NAPSA: variants seen among roughly 807,000 people sequenced by gnomAD.
NAPSA encodes napsin A aspartic peptidase.
NAPSA carries 37 observed loss-of-function variants against 36.7 expected under a neutral mutation model. That is an observed-to-expected ratio of 1.01 (90% CI 0.78 to 1.33). NAPSA has a LOEUF of 1.33. Ranked by LOEUF, NAPSA falls within the 40% of genes most tolerant of loss-of-function variation. NAPSA has a pLI of 0.00. For missense variants in NAPSA, 532 were observed against 543.8 expected, an observed-to-expected ratio of 0.98 and a Z score of 0.21; for synonymous variants, 222 against 234.5, an observed-to-expected ratio of 0.95 and a Z score of 0.49.
chr19:50,363,976 C>T (rs2037508470), intron 1 of NAPSA, among the ~76,000 whole-genome samples: 1 of 152,088 alleles, frequency 6.6e-6, no homozygotes, highest in African/African-American at 2.4e-5. Flanking sequence ...GTCTGGAAAC[C>T]ACAGTACCTA....
chr19:50,362,403 A>T, intron 1 of NAPSA, 90 bp from the exon 2 acceptor site: 2 of 1,267,520 alleles, frequency 1.6e-6, no homozygotes, highest in Non-Finnish European at 2.2e-6. Flanking sequence ...GACAAATTCA[A>T]CATCTCCAAG....
chr19:50,365,642 A>G (rs770704735), upstream of NAPSA: 6 of 1,590,184 alleles, frequency 3.8e-6, no homozygotes, highest in South Asian at 4.5e-5. Context: ...CTGGGTGTGA[A>G]CCCAGGTGTC....
intron 7 of NAPSA, 154 bp downstream of exon 7, chr19:50,359,346 TTCC>T: frequency 9.5e-7 from 1 of 1,048,292 alleles, no homozygotes; most frequent in Non-Finnish European, 1.4e-6. Context: ...GTGTCCTCAA[TTCC>T]TCCACCACCC....
chr19:50,367,818 G>A (rs373366125), upstream of NAPSA, among the ~76,000 whole-genome samples: 1 of 152,252 alleles, frequency 6.6e-6, no homozygotes, highest in South Asian at 2.1e-4. Context: ...TCAGGTCCCA[G>A]GTGGGTCCAG....
intron 8 of NAPSA, 42 bp downstream of exon 8, chr19:50,358,969 G>C: frequency 6.5e-7 from 1 of 1,543,056 alleles, no homozygotes; most frequent in Non-Finnish European, 9.0e-7. Flanking sequence ...CTCTCAAACC[G>C]TCATATGACG....
chr19:50,360,890 C>G, intron 5 of NAPSA, 51 bp downstream of exon 5: 4 of 1,522,072 alleles, frequency 2.6e-6, no homozygotes, highest in African/African-American at 1.4e-5. Flanking sequence ...AAGGAAGACT[C>G]TCTTCCTTCT....
In NAPSA at chr19:50,359,565, G is replaced by T; in HGVS notation, c.874C>A (p.Pro292Thr). Residue 292 changes from proline to threonine, a missense_variant, in exon 7 of 9, where the codon CCC becomes ACC. Pro to Thr is a conservative substitution (Grantham distance 38). This residue lies in a region of NAPSA where 385 missense variants were observed against 371.5 expected (regional missense o/e 1.04). Coordinates refer to ENST00000253719, the MANE Select transcript of NAPSA (RefSeq NM_004851.3). ...TGCAGGGCCCGGATCTCCTCAGTGGGTCCTGTGATGAGGGACGTGCCCGTA... is the reference window on the plus strand; with the variant it reads ...TGCAGGGCCCGGATCTCCTCAGTGGTTCCTGTGATGAGGGACGTGCCCGTA... ...LDTGTSLITG[P>T]TEEIRALHAA... 1.2e-6 allele frequency: 2 copies of T among 1,614,236 alleles called. No homozygotes were observed. Among genetic ancestry groups the T allele is most frequent in the South Asian group, 1.1e-5 (1 of 91,088 alleles).
At chr19:50,367,549 C>CCT (rs779681679), upstream of NAPSA, among the ~76,000 whole-genome samples, 11,761 of 132,914 alleles carry the variant, frequency 0.088, 513 homozygotes, top group Non-Finnish European at 0.11. Flanking sequence ...TCTCTCTCTC[C>CCT]CTCTCTCTCT....
At chr19:50,359,131 T>A (rs754039578) in intron 7 of NAPSA, 22 bp from the exon 8 acceptor site, 1 of 1,586,824 alleles carries the variant, frequency 6.3e-7, no homozygotes, top group Non-Finnish European at 8.7e-7. Context: ...GAGGAACTAG[T>A]GAAGATGAGA....
chr19:50,359,093 G>A lies in NAPSA; in HGVS notation c.953C>T (p.Ser318Leu), dbSNP rs866184560. 3.1e-6 allele frequency: 5 copies of A among 1,613,722 alleles called. No homozygotes were observed. Among genetic ancestry groups the A allele is most frequent in the South Asian group, 2.2e-5 (2 of 91,060 alleles). The change falls in exon 8 of 9, where the codon TCG becomes TTG. Residue 318 changes from serine to leucine, a missense_variant. Ser to Leu is a moderately radical substitution (Grantham distance 145). Coordinates refer to ENST00000253719, the MANE Select transcript of NAPSA (RefSeq NM_004851.3). Reference protein sequence around the residue: ...LLAGEYIILCSEIPKLPAVSF... With the variant: ...LLAGEYIILCLEIPKLPAVSF... The stretch of plus-strand genomic sequence containing the variant: ...GACTGCGGGGAGCTTTGGGATTTCC[G>A]AGCACAGGATGATGTACTGGGGGAG...
chr19:50,358,508 C>G lies in NAPSA; in HGVS notation c.*45G>C. Reference sequence around the variant, plus strand: ...GAAATAGTGGATTTTTACTGGGTAGCAGGACCTCCGCGACCACCCGCTGCG... The same window carrying G: ...GAAATAGTGGATTTTTACTGGGTAGGAGGACCTCCGCGACCACCCGCTGCG... On this transcript the variant is annotated 3_prime_UTR_variant, in exon 9 of 9. Coordinates refer to ENST00000253719, the MANE Select transcript of NAPSA (RefSeq NM_004851.3). The G allele has an allele frequency of 6.8e-7, 1 of 1,469,156 alleles. No homozygotes were observed. Among genetic ancestry groups the G allele is most frequent in the Non-Finnish European group, 9.2e-7 (1 of 1,092,566 alleles). 91.0% of individuals were successfully genotyped at this position (1,469,156 alleles called of 1,614,324 possible).
intron 5 of NAPSA, among the ~76,000 whole-genome samples, chr19:50,360,272 C>T (rs1275738263): frequency 6.6e-6 from 1 of 152,104 alleles, no homozygotes; most frequent in Non-Finnish European, 1.5e-5. Flanking sequence ...AGGTGTTAGA[C>T]TTCCTGAGTT....
rs531444438 is a variant in NAPSA at position 50,363,421 on chromosome 19, C to A, written c.84-1108G>T. On this transcript the variant is annotated intron_variant, in intron 1 of 8. Transcript: ENST00000253719. ...TTTGAAACAGGGTCTCCCTCTGTCA[C>A]CCAGGCTGGAGTGCAGTAGTGCAGT... Among the ~76,000 whole-genome samples, 13 of 152,238 alleles carry A rather than the reference C, an allele frequency of 8.5e-5. 1 individual carries two copies. The highest frequency in any genetic ancestry group is 3.1e-4 in the African/African-American group (13 of 41,538).
In NAPSA at chr19:50,359,069, A is replaced by G. The variant is rs750367955; in HGVS notation, c.977T>C (p.Val326Ala). 6.2e-7 allele frequency: 1 copy of G among 1,614,042 alleles called. No individual in the cohort carries two copies. Among genetic ancestry groups the G allele is most frequent in the Non-Finnish European group, 8.5e-7 (1 of 1,179,986 alleles). Residue 326 changes from valine to alanine, a missense_variant, in exon 8 of 9, where the codon GTC becomes GCC. Around this residue, in one of 3 missense-constraint regions of NAPSA, gnomAD observed 385 missense variants for 371.5 expected, o/e 1.04. Coordinates refer to ENST00000253719, the MANE Select transcript of NAPSA (RefSeq NM_004851.3). ...LCSEIPKLPAVSFLLGGVWFN... is the reference protein window; with the variant it reads ...LCSEIPKLPAASFLLGGVWFN... Reference sequence around the variant, plus strand: ...CCAGACCCCCCCAAGAAGGAAGGAGACTGCGGGGAGCTTTGGGATTTCCGA... The same window carrying G: ...CCAGACCCCCCCAAGAAGGAAGGAGGCTGCGGGGAGCTTTGGGATTTCCGA...
Position 50,359,748 on chromosome 19 carries a change from G to A in NAPSA, c.783C>T (p.His261=). The A allele has an allele frequency of 1.9e-6, 3 of 1,614,224 alleles. No homozygotes were observed. Among genetic ancestry groups the A allele is most frequent in the African/African-American group, 1.3e-5 (1 of 75,070 alleles). Residue 261 remains histidine, a synonymous_variant, in exon 6 of 9, where the codon CAC becomes CAT. Coordinates refer to ENST00000253719, the MANE Select transcript of NAPSA (RefSeq NM_004851.3). ...GAGACCAAGTCCCTCACCGCTCCAT[G>A]TGGATCTGCCAGTAGGCAGGGACCG... ...PVTVPAYWQI[H]MERVKVGPGL...
Position 50,361,692 on chromosome 19 carries a change from C to G in NAPSA, c.439G>C (p.Asp147His). 6.2e-7 allele frequency: 1 copy of G among 1,614,088 alleles called. No homozygotes were observed. Among genetic ancestry groups the G allele is most frequent in the South Asian group, 1.1e-5 (1 of 91,084 alleles). Residue 147 changes from aspartate to histidine, a missense_variant, in exon 4 of 9, where the codon GAT (aspartate) becomes CAT (histidine). Around this residue, in one of 3 missense-constraint regions of NAPSA, gnomAD observed 385 missense variants for 371.5 expected, o/e 1.04. Coordinates refer to ENST00000253719, the MANE Select transcript of NAPSA (RefSeq NM_004851.3). ...AGCTTGTCCTCGCTCAGGATTCCAT[C>G]TACCCGCCCAGTTCCATATTGAATG... ...FAIQYGTGRV[D>H]GILSEDKLTI...
chr19:50,358,924 C>T (rs774778616), intron 8 of NAPSA, 87 bp downstream of exon 8: 14 of 1,366,306 alleles, frequency 1.0e-5, no homozygotes, highest in Non-Finnish European at 1.3e-5. Flanking sequence ...TTTCTGTGGC[C>T]CCTTCCCTTC....
At chr19:50,364,158 A>AG (rs2123617536) in intron 1 of NAPSA, among the ~76,000 whole-genome samples, 1 of 151,510 alleles carries the variant, frequency 6.6e-6, no homozygotes, top group Non-Finnish European at 1.5e-5. Context: ...TCTCTACTAA[A>AG]GATACAAAAA....
At chr19:50,365,673 C>T, upstream of NAPSA, 1 of 1,477,540 alleles carries the variant, frequency 6.8e-7, no homozygotes, top group Non-Finnish European at 9.3e-7. Context: ...ATTTTCTTTC[C>T]CCTGTGACTC....
Sources: gnomAD v4.1 joint callset for allele counts (sites outside exome capture counted in the v4.1 genomes callset) on GRCh38, gnomAD v4.1.1 for gene constraint, gnomAD v4.1.1 regional missense constraint, MANE v1.5 for transcripts, NCBI Gene and HGNC (gene_info 2026-07-23, HGNC 2026-07-21) for gene names.